The following ATP8A2 variants were observed in gnomAD, a reference collection of about 807,000 sequenced individuals.
ATP8A2 encodes phospholipid-transporting ATPase IB.
Under a neutral mutation model 165.6 loss-of-function variants are expected in ATP8A2, and 100 were observed. The ratio of observed to expected loss-of-function variants is 0.60; its 90% CI spans 0.51 to 0.71. ATP8A2 has a LOEUF of 0.71. Ranked by LOEUF, ATP8A2 falls within the 30% of genes least tolerant of loss-of-function variation. ATP8A2 has a pLI of 0.00. For synonymous variants in ATP8A2, 543 were observed against 548.8 expected (o/e 0.99, Z 0.15); for missense variants, 1,227 against 1,479.5 (o/e 0.83, Z 2.80).
intron 33 of ATP8A2, among the ~76,000 whole-genome samples, chr13:25,893,423 G>C (rs1001598767): frequency 6.6e-6 from 1 of 151,762 alleles, no homozygotes; most frequent in Non-Finnish European, 1.5e-5. Flanking sequence ...GTGTATATGT[G>C]CCACATTTTC....
At chr13:25,899,292 T>C (rs1234082743) in intron 33 of ATP8A2, among the ~76,000 whole-genome samples, 1 of 152,228 alleles carries the variant, frequency 6.6e-6, no homozygotes, top group Non-Finnish European at 1.5e-5. Flanking sequence ...CAGTATGCCC[T>C]GGCAATTCTG....
chr13:25,764,616 G>T (rs2044453496), intron 25 of ATP8A2, among the ~76,000 whole-genome samples: 1 of 152,204 alleles, frequency 6.6e-6, no homozygotes, highest in Non-Finnish European at 1.5e-5. Context: ...ATCAGAGGCT[G>T]TACCTTGACA....
chr13:25,467,087 G>A (rs1173524148), intron 1 of ATP8A2, among the ~76,000 whole-genome samples: 1 of 152,216 alleles, frequency 6.6e-6, no homozygotes, highest in Non-Finnish European at 1.5e-5. Context: ...CTCTGCTGCC[G>A]CTTGTTGATG....
At chr13:25,622,322 A>C (rs1401864466) in intron 24 of ATP8A2, among the ~76,000 whole-genome samples, 3 of 152,148 alleles carry the variant, frequency 2.0e-5, no homozygotes, top group Non-Finnish European at 4.4e-5. Flanking sequence ...GGAGAGGGGA[A>C]GCAAAGAAAT....
chr13:25,923,695 A>T (rs1424091274), intron 33 of ATP8A2, among the ~76,000 whole-genome samples: 3 of 150,910 alleles, frequency 2.0e-5, no homozygotes, highest in African/African-American at 7.3e-5. Flanking sequence ...TCAAAATAAT[A>T]AAAAAAAATG....
At chr13:25,566,012 A>AC (rs1356555561) in intron 16 of ATP8A2, among the ~76,000 whole-genome samples, 1 of 152,182 alleles carries the variant, frequency 6.6e-6, no homozygotes, top group African/African-American at 2.4e-5. Context: ...CAAAATTAAA[A>AC]GTTTATCTTT....
intron 1 of ATP8A2, among the ~76,000 whole-genome samples, chr13:25,422,876 A>G (rs955182694): frequency 1.3e-5 from 2 of 152,232 alleles, no homozygotes; most frequent in Non-Finnish European, 2.9e-5. Flanking sequence ...TGTCCTTACA[A>G]AAGTATTATT....
intron 25 of ATP8A2, among the ~76,000 whole-genome samples, chr13:25,764,063 A>T (rs1196286159): frequency 3.3e-5 from 5 of 150,766 alleles, no homozygotes; most frequent in Non-Finnish European, 7.3e-5. Flanking sequence ...TTTTCATAGG[A>T]TAGTATTTTC....
chr13:25,598,489 A>G (rs2040295945), intron 24 of ATP8A2, among the ~76,000 whole-genome samples: 1 of 152,114 alleles, frequency 6.6e-6, no homozygotes, highest in South Asian at 2.1e-4. Context: ...TGAACGTGGG[A>G]TATCTCTCAT....
At chr13:25,691,838 C>T (rs112308217) in intron 24 of ATP8A2, among the ~76,000 whole-genome samples, 1 of 152,216 alleles carries the variant, frequency 6.6e-6, no homozygotes. Context: ...GTAATTACTT[C>T]GGCTTCAGCC....
At chr13:25,639,753 T>C (rs184836497) in intron 24 of ATP8A2, among the ~76,000 whole-genome samples, 5,266 of 152,174 alleles carry the variant, frequency 0.035, 157 homozygotes, top group East Asian at 0.13. Context: ...CCAAGTGGAC[T>C]TAATAGACAT....
intron 1 of ATP8A2, among the ~76,000 whole-genome samples, chr13:25,377,856 C>A (rs369308423): frequency 6.6e-6 from 1 of 151,706 alleles, no homozygotes; most frequent in African/African-American, 2.4e-5. Flanking sequence ...TGTTGGCTCA[C>A]GTGTGTAATC....
Position 25,821,175 on chromosome 13 carries a change from A to G in ATP8A2, c.2680-6943A>G, listed in dbSNP as rs217906. 4.7e-3 allele frequency among the ~76,000 whole-genome samples: 710 copies of G among 152,344 alleles called. 5 individuals carry two copies. Among genetic ancestry groups the G allele is most frequent in the African/African-American group, 0.016 (678 of 41,580 alleles). On this transcript the variant is annotated intron_variant, in intron 27 of 36. Transcript: ENST00000381655. ...CCAATCCAGTGCCAACTTGGACAGAATCAGAACACTGGCTGCTTAGAGGAA... is the reference window on the plus strand; with the variant it reads ...CCAATCCAGTGCCAACTTGGACAGAGTCAGAACACTGGCTGCTTAGAGGAA...
intron 23 of ATP8A2, among the ~76,000 whole-genome samples, chr13:25,585,749 C>T (rs575468116): frequency 2.0e-5 from 3 of 152,260 alleles, no homozygotes; most frequent in African/African-American, 4.8e-5. Flanking sequence ...AAAAGGAAGG[C>T]GAGTTGCCAT....
Position 25,650,450 on chromosome 13 carries a change from G to A in ATP8A2, c.2212-48723G>A, listed in dbSNP as rs182372386. On this transcript the variant is annotated intron_variant, in intron 24 of 36. Coordinates refer to ENST00000381655, the MANE Select transcript of ATP8A2 (RefSeq NM_016529.6). ...TGTAGATTATTCTGGATTTTTAAAT[G>A]TAAACAAAAATACCACTTCTGAATA... 4.1e-4 allele frequency among the ~76,000 whole-genome samples: 63 copies of A among 152,232 alleles called. 1 individual carries two copies. Among genetic ancestry groups the A allele is most frequent in the African/African-American group, 1.4e-3 (58 of 41,530 alleles).
At chr13:25,931,013 G>T (rs1048350350) in intron 33 of ATP8A2, among the ~76,000 whole-genome samples, 17 of 152,176 alleles carry the variant, frequency 1.1e-4, no homozygotes, top group Admixed American at 1.1e-3. Context: ...TTTTGGATTT[G>T]TCCCCAACCA....
At position 25,587,877 on chromosome 13, in the gene ATP8A2, G is replaced by A. The variant is rs555469891; in HGVS notation, c.2147-1758G>A. ...GAGCTTTTAATGGCATTTTGAGAGG[G>A]TCTCAGTTTTATCCATCACTGTTGT... On this transcript the variant is annotated intron_variant, in intron 23 of 36. Transcript: ENST00000381655. 1.3e-3 allele frequency among the ~76,000 whole-genome samples: 203 copies of A among 152,236 alleles called. 1 individual carries two copies. Among genetic ancestry groups the A allele is most frequent in the African/African-American group, 4.7e-3 (196 of 41,552 alleles).
rs373781154 is a variant in ATP8A2, at chr13:25,408,951, G to A, written c.76+36663G>A. On this transcript the variant is annotated intron_variant, in intron 1 of 36. Transcript: ENST00000381655. ...TTATAATAATAGTTAGAGAAATAAA[G>A]CATTGTTGTGATGCTTGATTTTAGT... is the stretch of plus-strand genomic sequence containing the variant. Among the ~76,000 whole-genome samples, 37 of 152,324 alleles carry A rather than the reference G, an allele frequency of 2.4e-4. 3 individuals carry two copies. The South Asian group carries it at 5.8e-3, about 24-fold the overall frequency.
At chr13:25,689,413 A>T (rs570345056) in intron 24 of ATP8A2, among the ~76,000 whole-genome samples, 40 of 152,332 alleles carry the variant, frequency 2.6e-4, no homozygotes, top group Non-Finnish European at 5.0e-4. Flanking sequence ...ATAGTTCATT[A>T]AAAACGCTCT....
Sources: allele counts gnomAD v4.1 joint callset (sites outside exome capture counted in the v4.1 genomes callset), GRCh38; gene constraint gnomAD v4.1.1; transcripts MANE v1.5; gene names NCBI Gene and HGNC (gene_info 2026-07-23, HGNC 2026-07-21).